TNRC6A: variants seen among roughly 807,000 people sequenced by gnomAD.
TNRC6A encodes trinucleotide repeat containing adaptor 6A, also known as trinucleotide repeat-containing gene 6A protein.
Under a neutral mutation model 221.2 loss-of-function variants are expected in TNRC6A, and 44 were observed. The ratio of observed to expected loss-of-function variants is 0.20; its 90% CI spans 0.16 to 0.26. TNRC6A has a LOEUF of 0.26. Ranked by LOEUF, TNRC6A falls within the 10% of genes least tolerant of loss-of-function variation. The pLI is 1.00. For synonymous variants in TNRC6A, 847 were observed against 838.5 expected (o/e 1.01, Z -0.18); for missense variants, 2,199 against 2,404.4 (o/e 0.91, Z 1.79).
In TNRC6A at chr16:24,824,974, A is replaced by G. The variant is rs1282307294; in HGVS notation, c.*1167A>G. 6.6e-6 allele frequency: 1 copy of G among 152,610 alleles called. No individual in the cohort carries two copies. Among genetic ancestry groups the G allele is most frequent in the East Asian group, 1.9e-4 (1 of 5,200 alleles). The allele number at this position is 152,610 out of a possible 1,614,324, so 9.5% of individuals were successfully genotyped here. ...TAGTGAGTGATGATGGTTTGCTAAT[A>G]ATCAATAGGTAATAATTTTTTGTAA... On this transcript the variant is annotated 3_prime_UTR_variant, in exon 25 of 25. Coordinates refer to ENST00000395799, the MANE Select transcript of TNRC6A (RefSeq NM_014494.4).
chr16:24,658,139 G>A (rs1232877974), intron 2 of TNRC6A, among the ~76,000 whole-genome samples: 1 of 152,044 alleles, frequency 6.6e-6, no homozygotes, highest in Non-Finnish European at 1.5e-5. Flanking sequence ...AACTCCTGTG[G>A]GTCTGGTGAA....
At chr16:24,764,472 G>A (rs560171686) in intron 4 of TNRC6A, among the ~76,000 whole-genome samples, 20 of 151,570 alleles carry the variant, frequency 1.3e-4, no homozygotes, top group South Asian at 1.3e-3. Context: ...GATTACAGGC[G>A]CGTACCACCA....
intron 2 of TNRC6A, among the ~76,000 whole-genome samples, chr16:24,644,136 G>A: frequency 7.5e-6 from 1 of 133,574 alleles, no homozygotes; most frequent in Non-Finnish European, 1.5e-5. Flanking sequence ...GCCCAGGCTG[G>A]AGTGCAGTGG....
At chr16:24,773,622 A>G (rs1262428661) in intron 4 of TNRC6A, among the ~76,000 whole-genome samples, 3 of 152,286 alleles carry the variant, frequency 2.0e-5, no homozygotes, top group East Asian at 1.9e-4. Context: ...TGTTTTCAAG[A>G]TACATGGTTT....
At chr16:24,822,252 GAGCAGAGGAAAC>G (rs1448497263) in intron 23 of TNRC6A, 105 bp downstream of exon 23, 6 of 1,112,058 alleles carry the variant, frequency 5.4e-6, no homozygotes, top group African/African-American at 4.6e-5. Context: ...TAGTGAAGCC[GAGCAGAGGAAAC>G]AGCAGAGGAG....
chr16:24,647,377 A>G (rs1262771058), intron 2 of TNRC6A, among the ~76,000 whole-genome samples: 1 of 152,224 alleles, frequency 6.6e-6, no homozygotes, highest in Non-Finnish European at 1.5e-5. Flanking sequence ...ATAGCTGGCC[A>G]AAGTTATAAT....
In TNRC6A at chr16:24,815,225, C is replaced by T; in HGVS notation, c.4751C>T (p.Ala1584Val). ...YDFMNSSTSP[A>V]SPPGSIGDGW... is the part of the protein sequence containing the mutation. ...TTTATGAACAGCAGTACTTCACCAG[C>T]CAGTCCTCCAGGTTCAATAGGAGAT... The change falls in exon 19 of 25, where the codon GCC becomes GTC. Residue 1584 changes from alanine (A) to valine (V), a missense_variant. Coordinates refer to ENST00000395799, the MANE Select transcript of TNRC6A (RefSeq NM_014494.4). The T allele has an allele frequency of 1.2e-6, 2 of 1,614,240 alleles. No individual in the cohort carries two copies. The highest frequency in any genetic ancestry group is 1.7e-6 in the Non-Finnish European group (2 of 1,180,042).
chr16:24,701,907 A>G (rs1484516643), intron 2 of TNRC6A, among the ~76,000 whole-genome samples: 2 of 151,962 alleles, frequency 1.3e-5, no homozygotes, highest in East Asian at 1.9e-4. Flanking sequence ...GAGTCCATCC[A>G]TCAACTTTGT....
chr16:24,761,302 C>G (rs1399196797), intron 4 of TNRC6A, among the ~76,000 whole-genome samples: 2 of 152,060 alleles, frequency 1.3e-5, no homozygotes, highest in Non-Finnish European at 2.9e-5. Context: ...GTAAAGAACA[C>G]AAATATTTGA....
chr16:24,641,205 A>G (rs1305470987), intron 2 of TNRC6A, among the ~76,000 whole-genome samples: 3 of 152,172 alleles, frequency 2.0e-5, no homozygotes, highest in African/African-American at 4.8e-5. Context: ...AGGCCAATGT[A>G]CCATCACCCC....
chr16:24,699,675 C>T (rs571152285), intron 2 of TNRC6A, among the ~76,000 whole-genome samples: 146 of 150,388 alleles, frequency 9.7e-4, no homozygotes, highest in African/African-American at 3.3e-3. Flanking sequence ...GCTATGATTG[C>T]GCCACTGCAC....
At chr16:24,758,485 T>C in intron 4 of TNRC6A, 125 bp downstream of exon 4, 1 of 947,030 alleles carries the variant, frequency 1.1e-6, no homozygotes. Context: ...ATTAGCCTTC[T>C]TCAGTAACAT....
At chr16:24,774,527 G>A (rs922522993) in intron 4 of TNRC6A, among the ~76,000 whole-genome samples, 2 of 151,914 alleles carry the variant, frequency 1.3e-5, no homozygotes, top group African/African-American at 4.8e-5. Flanking sequence ...GCATCTTCCT[G>A]CTCCTTTCTC....
At chr16:24,772,234 A>G (rs1048392439) in intron 4 of TNRC6A, among the ~76,000 whole-genome samples, 10 of 152,152 alleles carry the variant, frequency 6.6e-5, no homozygotes, top group Admixed American at 3.9e-4. Flanking sequence ...TTTTATTCCC[A>G]TTGTTTGGGA....
At chr16:24,800,073 C>T (rs1174337255) in intron 11 of TNRC6A, among the ~76,000 whole-genome samples, 1 of 152,176 alleles carries the variant, frequency 6.6e-6, no homozygotes, top group Non-Finnish European at 1.5e-5. Context: ...GTCCCTGTAG[C>T]AGTCTTCATC....
At chr16:24,668,980 T>C (rs1485333148) in intron 2 of TNRC6A, among the ~76,000 whole-genome samples, 1 of 152,056 alleles carries the variant, frequency 6.6e-6, no homozygotes, top group East Asian at 1.9e-4. Context: ...TTTTTATTTT[T>C]ATGGGTTTTT....
In TNRC6A at chr16:24,721,827, G is replaced by A. The variant is rs895810337; in HGVS notation, n.403-28899G>A. Among the ~76,000 whole-genome samples, 5 of 152,134 alleles carry A rather than the reference G, an allele frequency of 3.3e-5. No homozygotes were observed. The South Asian group carries it at 8.3e-4, about 25-fold the overall frequency. On this transcript the variant is annotated intron_variant and non_coding_transcript_variant, in intron 2 of 2. Coordinates refer to the TNRC6A transcript ENST00000566108. ...ATACTTGGCAGCAATAAAAAGGAAC[G>A]AACTTAATACACGCAATCATATGAA... is the stretch of plus-strand genomic sequence containing the variant.
intron 5 of TNRC6A, chr16:24,778,484 T>C (rs2057773086): frequency 1.0e-6 from 1 of 985,308 alleles, no homozygotes; most frequent in South Asian, 4.7e-5. Flanking sequence ...TTTTCTAGCA[T>C]AGGCACATTG....
rs2056575354 is a variant in TNRC6A, at chr16:24,729,747, T to G, written c.-95T>G. ...GGGTCGGTGTAGAAAATGGCGCTGG[T>G]GCAGCGGCTCGGGCCTCTCCCCGCG... On this transcript the variant is annotated 5_prime_UTR_variant, in exon 1 of 25. Coordinates refer to ENST00000395799, the MANE Select transcript of TNRC6A (RefSeq NM_014494.4). 25 of 1,290,292 alleles carry G rather than the reference T, an allele frequency of 1.9e-5. No individual in the cohort carries two copies. Among genetic ancestry groups the G allele is most frequent in the Non-Finnish European group, 2.4e-5 (24 of 1,009,696 alleles). 79.9% of individuals were successfully genotyped at this position (1,290,292 alleles called of 1,614,324 possible).
Sources: gnomAD v4.1 joint callset for allele counts (sites outside exome capture counted in the v4.1 genomes callset) on GRCh38, gnomAD v4.1.1 for gene constraint, MANE v1.5 for transcripts, NCBI Gene and HGNC (gene_info 2026-07-23, HGNC 2026-07-21) for gene names.